Variants in STAMBPL1 observed in about 807,000 individuals in gnomAD.
STAMBPL1 encodes STAM binding protein like 1, also known as AMSH-like protease.
Under a neutral mutation model 52.9 loss-of-function variants are expected in STAMBPL1, and 44 were observed. The ratio of observed to expected loss-of-function variants is 0.83; its 90% CI spans 0.65 to 1.07. STAMBPL1 has a LOEUF of 1.07. STAMBPL1 is among the 50% of genes least tolerant of loss of function. The pLI, the probability that STAMBPL1 is intolerant of heterozygous loss-of-function variation, is 0.00. For missense variants in STAMBPL1, 511 were observed against 520.8 expected, an observed-to-expected ratio of 0.98 and a Z score of 0.18; for synonymous variants, 164 against 177.3, an observed-to-expected ratio of 0.92 and a Z score of 0.60.
At chr10:88,890,602 A>T (rs1844654655) in intron 1 of STAMBPL1, among the ~76,000 whole-genome samples, 1 of 152,206 alleles carries the variant, frequency 6.6e-6, no homozygotes, top group Non-Finnish European at 1.5e-5. Context: ...TTTGCCAGAT[A>T]TTTGTGTAAG....
chr10:88,884,789 CA>C lies in STAMBPL1; in HGVS notation c.-54+4152del, dbSNP rs1265661597. 4.6e-5 allele frequency among the ~76,000 whole-genome samples: 7 copies of C among 152,292 alleles called. No individual in the cohort carries two copies. In the East Asian group the frequency reaches 1.3e-3, roughly 29 times the overall value. ...TGCCAGGCACTGTACTAAGCCTTAA[CA>C]CAAGTTTATCTCAATGATGATGGAG... On this transcript the variant is annotated intron_variant, in intron 1 of 10. Coordinates refer to ENST00000371926, the MANE Select transcript of STAMBPL1 (RefSeq NM_020799.4).
intron 4 of STAMBPL1, among the ~76,000 whole-genome samples, chr10:88,909,378 A>G (rs1005562580): frequency 6.6e-6 from 1 of 152,184 alleles, no homozygotes; most frequent in Non-Finnish European, 1.5e-5. Context: ...CTTTTAAATA[A>G]ACATTTACAA....
intron 6 of STAMBPL1, among the ~76,000 whole-genome samples, chr10:88,913,762 A>T (rs1051670630): frequency 2.0e-5 from 3 of 151,576 alleles, no homozygotes; most frequent in African/African-American, 7.3e-5. Context: ...TATGTATTTT[A>T]ACTAAGAAAT....
intron 1 of STAMBPL1, among the ~76,000 whole-genome samples, chr10:88,891,443 A>G: frequency 6.6e-6 from 1 of 152,238 alleles, no homozygotes; most frequent in East Asian, 1.9e-4. Context: ...TAATTGTCTC[A>G]GGGAAAAAAA....
chr10:88,914,694 A>ATATC, intron 7 of STAMBPL1, 36 bp downstream of exon 7: 1 of 935,676 alleles, frequency 1.1e-6, no homozygotes, highest in Non-Finnish European at 1.4e-6. Context: ...ATATATATAT[A>ATATC]TCTGCATAGG....
chr10:88,908,865 TTTCTC>T (rs1431152161), intron 4 of STAMBPL1, 88 bp downstream of exon 4: 1 of 1,123,556 alleles, frequency 8.9e-7, no homozygotes, highest in Non-Finnish European at 1.2e-6. Flanking sequence ...CCCCTTTCTC[TTTCTC>T]TTGAGAGTTT....
chr10:88,887,812 G>T (rs1415378048), intron 1 of STAMBPL1, among the ~76,000 whole-genome samples: 1 of 152,164 alleles, frequency 6.6e-6, no homozygotes, highest in African/African-American at 2.4e-5. Context: ...ATGAGCCACT[G>T]CACCCAACAG....
intron 1 of STAMBPL1, among the ~76,000 whole-genome samples, chr10:88,900,151 A>C (rs548657389): frequency 1.3e-5 from 2 of 152,146 alleles, no homozygotes; most frequent in Admixed American, 1.3e-4. Flanking sequence ...TACAAGAGTA[A>C]TTTTTCTTGA....
chr10:88,885,551 C>T (rs1254053624), intron 1 of STAMBPL1, among the ~76,000 whole-genome samples: 1 of 152,096 alleles, frequency 6.6e-6, no homozygotes, highest in Non-Finnish European at 1.5e-5. Context: ...AGATCAGATT[C>T]TGGGGCAAGC....
intron 1 of STAMBPL1, among the ~76,000 whole-genome samples, chr10:88,885,373 G>A (rs996967585): frequency 2.0e-5 from 3 of 152,134 alleles, no homozygotes; most frequent in African/African-American, 7.2e-5. Context: ...TTCGTATTTT[G>A]TAAGTAATGT....
At chr10:88,911,725 C>T (rs79218304) in intron 5 of STAMBPL1, among the ~76,000 whole-genome samples, 4,344 of 152,250 alleles carry the variant, frequency 0.029, 85 homozygotes, top group Non-Finnish European at 0.045. Context: ...TGAGAATGCT[C>T]ATTGAGCTTT....
chr10:88,901,500 A>G, intron 1 of STAMBPL1, 156 bp from the exon 2 acceptor site: 3 of 408,476 alleles, frequency 7.3e-6, no homozygotes, highest in Non-Finnish European at 1.3e-5. Flanking sequence ...TTGTATTTTC[A>G]GGAAGAGATT....
At position 88,923,465 on chromosome 10, in the gene STAMBPL1, A is replaced by T; in HGVS notation, c.*241A>T. On this transcript the variant is annotated 3_prime_UTR_variant, in exon 11 of 11. Transcript: ENST00000371926. The stretch of plus-strand genomic sequence containing the variant: ...TAATGTACCCAAATACTATGGCCAG[A>T]TAATAAATTGTGCTGCAAACAACAT... The T allele has an allele frequency of 8.2e-7, 1 of 1,219,978 alleles. No homozygotes were observed. Among genetic ancestry groups the T allele is most frequent in the Non-Finnish European group, 1.0e-6 (1 of 979,648 alleles). The allele number at this position is 1,219,978 out of a possible 1,614,324, so 75.6% of individuals were successfully genotyped here. A position where few individuals can be genotyped will look rare whatever the true frequency, so the allele number is the denominator to read the frequency against.
intron 8 of STAMBPL1, among the ~76,000 whole-genome samples, chr10:88,918,894 A>G (rs1845437342): frequency 6.6e-6 from 1 of 152,176 alleles, no homozygotes. Context: ...GCAATTATGA[A>G]GGTAAGTTGT....
At chr10:88,896,744 T>C (rs1271278081) in intron 1 of STAMBPL1, among the ~76,000 whole-genome samples, 1 of 152,188 alleles carries the variant, frequency 6.6e-6, no homozygotes, top group African/African-American at 2.4e-5. Context: ...AGGAGACCGT[T>C]CACTGCCTGG....
chr10:88,919,563 G>A (rs1845453507), intron 8 of STAMBPL1, among the ~76,000 whole-genome samples: 1 of 152,118 alleles, frequency 6.6e-6, no homozygotes, highest in Non-Finnish European at 1.5e-5. Context: ...CAGCACTGTG[G>A]TTTCTTTGAA....
intron 1 of STAMBPL1, chr10:88,882,827 A>G (rs1844438999): frequency 1.3e-5 from 2 of 152,164 alleles, no homozygotes; most frequent in Admixed American, 6.5e-5. Flanking sequence ...TCTTTGATAA[A>G]TATTTGCTAA....
chr10:88,891,558 G>C (rs1285422628), intron 1 of STAMBPL1, among the ~76,000 whole-genome samples: 1 of 152,126 alleles, frequency 6.6e-6, no homozygotes. Context: ...AAACCTGACC[G>C]ATATAACTTA....
At chr10:88,904,330 T>G (rs1439979570) in intron 2 of STAMBPL1, among the ~76,000 whole-genome samples, 2 of 152,212 alleles carry the variant, frequency 1.3e-5, no homozygotes, top group African/African-American at 4.8e-5. Context: ...AGATCCTGAC[T>G]ATAGGTCTGA....
Sources: gnomAD v4.1 joint callset for allele counts (sites outside exome capture counted in the v4.1 genomes callset) on GRCh38, gnomAD v4.1.1 for gene constraint, MANE v1.5 for transcripts, NCBI Gene and HGNC (gene_info 2026-07-23, HGNC 2026-07-21) for gene names.